The following NEO1 variants were observed in gnomAD, a reference collection of about 807,000 sequenced individuals.
NEO1 encodes the protein neogenin.
NEO1 carries 63 observed loss-of-function variants against 159.7 expected under a neutral mutation model. The observed-to-expected ratio is 0.39, with a 90% confidence interval of 0.32 to 0.49. The LOEUF is 0.49. NEO1 is among the 20% of genes least tolerant of loss of function. The pLI, the probability that NEO1 is intolerant of heterozygous loss-of-function variation, is 0.85. For missense variants in NEO1, 1,615 were observed against 1,831.0 expected (o/e 0.88, Z 2.15); for synonymous variants, 633 against 662.0 (o/e 0.96, Z 0.67).
intron 26 of NEO1, among the ~76,000 whole-genome samples, chr15:73,294,548 G>C (rs941266866): frequency 2.0e-5 from 3 of 152,056 alleles, no homozygotes; most frequent in South Asian, 4.1e-4. Context: ...TGGTTTCTTT[G>C]TTTGTTTTTG....
At position 73,169,377 on chromosome 15, in the gene NEO1, A is replaced by G. The variant is rs1490020521; in HGVS notation, c.1016-7026A>G. 1.4e-4 allele frequency among the ~76,000 whole-genome samples: 21 copies of G among 152,188 alleles called. 1 individual carries two copies. Among genetic ancestry groups the G allele is most frequent in the Admixed American group, 1.4e-3 (21 of 15,284 alleles). ...TGCATAATCTTCCATTACAACACTT[A>G]TTTTCTTATGGTAATTGACTCATTT... On this transcript the variant is annotated intron_variant, in intron 5 of 28. Transcript: ENST00000261908.
At chr15:73,122,826 G>A in intron 3 of NEO1, 26 bp downstream of exon 3, 1 of 1,609,232 alleles carries the variant, frequency 6.2e-7, no homozygotes, top group Non-Finnish European at 8.5e-7. Flanking sequence ...CAGGACTGAT[G>A]GTTTTATGTT....
chr15:73,151,801 A>C (rs1206439106), intron 5 of NEO1, among the ~76,000 whole-genome samples: 2 of 152,194 alleles, frequency 1.3e-5, no homozygotes, highest in African/African-American at 4.8e-5. Context: ...ACACAGCCAA[A>C]CCATATCAGC....
intron 1 of NEO1, among the ~76,000 whole-genome samples, chr15:73,100,743 C>G (rs1348231506): frequency 6.6e-6 from 1 of 152,190 alleles, no homozygotes; most frequent in Non-Finnish European, 1.5e-5. Context: ...AAATCACATT[C>G]TCCTATTTGA....
intron 7 of NEO1, among the ~76,000 whole-genome samples, chr15:73,197,384 A>G (rs1275176832): frequency 6.6e-6 from 1 of 152,092 alleles, no homozygotes; most frequent in African/African-American, 2.4e-5. Flanking sequence ...TACTTCTAAG[A>G]AAGTATGATT....
intron 7 of NEO1, among the ~76,000 whole-genome samples, chr15:73,188,197 G>A (rs1395685795): frequency 5.3e-5 from 8 of 150,994 alleles, no homozygotes; most frequent in Non-Finnish European, 1.0e-4. Flanking sequence ...TAAAAGGTGA[G>A]TTTAGTATTT....
chr15:73,125,974 C>G (rs1443856137), intron 3 of NEO1, among the ~76,000 whole-genome samples: 1 of 152,124 alleles, frequency 6.6e-6, no homozygotes, highest in Non-Finnish European at 1.5e-5. Context: ...TCTTATCTTT[C>G]AATGTGAATG....
chr15:73,184,820 C>T (rs991662839), intron 7 of NEO1, among the ~76,000 whole-genome samples: 1 of 151,970 alleles, frequency 6.6e-6, no homozygotes, highest in African/African-American at 2.4e-5. Flanking sequence ...CCCAGCTACT[C>T]AGGAGGATGA....
At chr15:73,271,752 C>T (rs1048186404) in intron 18 of NEO1, among the ~76,000 whole-genome samples, 1 of 151,812 alleles carries the variant, frequency 6.6e-6, no homozygotes, top group Non-Finnish European at 1.5e-5. Context: ...ACTAAAAATA[C>T]AAAAATTAGC....
chr15:73,282,336 C>A (rs2041758502), intron 22 of NEO1, among the ~76,000 whole-genome samples: 1 of 152,184 alleles, frequency 6.6e-6, no homozygotes, highest in Non-Finnish European at 1.5e-5. Flanking sequence ...CTTTGTTGTT[C>A]ACCATTGCAC....
chr15:73,200,670 C>CTTTTTTTT (rs931779531), intron 7 of NEO1, among the ~76,000 whole-genome samples: 9 of 92,866 alleles, frequency 9.7e-5, no homozygotes, highest in Non-Finnish European at 1.5e-4. Context: ...ATTCCCTTAT[C>CTTTTTTTT]TTTTTTTTTT....
At position 73,270,115 on chromosome 15, in the gene NEO1, A is replaced by G; in HGVS notation, c.2600A>G (p.His867Arg). 1.2e-6 allele frequency: 2 copies of G among 1,614,194 alleles called. No homozygotes were observed. The highest frequency in any genetic ancestry group is 1.7e-6 in the Non-Finnish European group (2 of 1,180,038). Residue 867 changes from histidine (H) to arginine (R), a missense_variant, in exon 17 of 29, where the codon CAT becomes CGT. Coordinates refer to ENST00000261908, the MANE Select transcript of NEO1 (RefSeq NM_002499.4). ...GGAGTTCAGGCTTCCATTCTGAGTC[A>G]TGACACCATCAGGATTACGTGGGCA... ...PVGVQASILS[H>R]DTIRITWADN... is the part of the protein sequence containing the mutation.
intron 7 of NEO1, among the ~76,000 whole-genome samples, chr15:73,185,024 A>G (rs2035841506): frequency 6.6e-6 from 1 of 152,234 alleles, no homozygotes; most frequent in African/African-American, 2.4e-5. Context: ...CAAGTGAAAG[A>G]AGCCAATTTG....
chr15:73,154,089 A>T (rs1439285210), intron 5 of NEO1, among the ~76,000 whole-genome samples: 1 of 152,320 alleles, frequency 6.6e-6, no homozygotes, highest in East Asian at 1.9e-4. Flanking sequence ...AAGTATTTTC[A>T]CATATATTAG....
At chr15:73,178,696 A>T (rs1161454940) in intron 7 of NEO1, among the ~76,000 whole-genome samples, 2 of 152,228 alleles carry the variant, frequency 1.3e-5, no homozygotes, top group African/African-American at 4.8e-5. Flanking sequence ...GAATTTAGTC[A>T]TCTTAATCTC....
chr15:73,268,532 C>T (rs1020385699), intron 16 of NEO1, among the ~76,000 whole-genome samples: 16 of 152,182 alleles, frequency 1.1e-4, no homozygotes, highest in African/African-American at 3.9e-4. Context: ...TATGCTACTC[C>T]TCTGTTATTT....
At chr15:73,100,370 T>C (rs2070333037) in intron 1 of NEO1, among the ~76,000 whole-genome samples, 1 of 151,802 alleles carries the variant, frequency 6.6e-6, no homozygotes, top group Admixed American at 6.6e-5. Context: ...AATCTCACTC[T>C]GTTGCCCAGG....
intron 7 of NEO1, among the ~76,000 whole-genome samples, chr15:73,212,022 T>C (rs1375875852): frequency 6.6e-6 from 1 of 152,254 alleles, no homozygotes; most frequent in Non-Finnish European, 1.5e-5. Flanking sequence ...ACAGAAGTGA[T>C]GTACCCTTTT....
At chr15:73,152,798 G>C (rs1314512897) in intron 5 of NEO1, among the ~76,000 whole-genome samples, 1 of 152,114 alleles carries the variant, frequency 6.6e-6, no homozygotes, top group Admixed American at 6.6e-5. Context: ...GTGTGTGGGG[G>C]GGAAACTCCC....
Sources: allele counts gnomAD v4.1 joint callset (sites outside exome capture counted in the v4.1 genomes callset), GRCh38; gene constraint gnomAD v4.1.1; transcripts MANE v1.5; gene names NCBI Gene and HGNC (gene_info 2026-07-23, HGNC 2026-07-21).